CPNE5: variants seen among roughly 807,000 people sequenced by gnomAD.
The protein encoded by CPNE5 is copine-5.
A neutral mutation model predicts 81.1 loss-of-function variants in CPNE5; 42 were observed. That is an observed-to-expected ratio of 0.52 (90% CI 0.40 to 0.67). The LOEUF is 0.67. CPNE5 is among the 30% of genes least tolerant of loss of function. The pLI is 0.00. For missense variants in CPNE5, 612 were observed against 815.5 expected (o/e 0.75, Z 3.04); for synonymous variants, 313 against 321.5 (o/e 0.97, Z 0.28).
Position 36,788,700 on chromosome 6 carries a change from A to G in CPNE5, c.528+3333T>C, listed in dbSNP as rs188958849. On this transcript the variant is annotated intron_variant, in intron 8 of 20. Transcript: ENST00000244751. ...TCGTTTTACTGCTGAGCAGAATTGA[A>G]CCTTGGGTGATTCAGAAGGCCCTTC... 3.2e-3 allele frequency among the ~76,000 whole-genome samples: 379 copies of G among 120,220 alleles called. 3 individuals carry two copies. The highest frequency in any genetic ancestry group is 0.012 in the African/African-American group (353 of 28,502). 78.9% of individuals were successfully genotyped at this position (120,220 alleles called of 152,430 possible).
chr6:36,749,782 T>C (rs1764603348), intron 14 of CPNE5, among the ~76,000 whole-genome samples: 1 of 152,162 alleles, frequency 6.6e-6, no homozygotes, highest in South Asian at 2.1e-4. Context: ...GGTACTTGCA[T>C]GTTGATTATA....
chr6:36,818,487 A>G (rs1340473732), intron 3 of CPNE5, among the ~76,000 whole-genome samples: 1 of 152,214 alleles, frequency 6.6e-6, no homozygotes, highest in Non-Finnish European at 1.5e-5. Context: ...TGAGATGGGA[A>G]GAGTGACCAG....
chr6:36,816,075 G>T (rs1284702385), intron 3 of CPNE5, among the ~76,000 whole-genome samples: 1 of 152,216 alleles, frequency 6.6e-6, no homozygotes, highest in East Asian at 1.9e-4. Flanking sequence ...GCCTTAGTTA[G>T]TCTACCCACG....
At chr6:36,839,681 G>A (rs1773851769), upstream of CPNE5, 1 of 355,954 alleles carries the variant, frequency 2.8e-6, no homozygotes, top group Non-Finnish European at 5.1e-6. The surrounding 1 kb of genome is among the most constrained non-coding windows in gnomAD (Gnocchi z 7.3). Context: ...CGCGGGGAGA[G>A]GGGCTCGGGG....
chr6:36,798,157 A>C lies in CPNE5; in HGVS notation c.404+8T>G. 6.2e-7 allele frequency: 1 copy of C among 1,612,308 alleles called. No individual in the cohort carries two copies. Among genetic ancestry groups the C allele is most frequent in the African/African-American group, 1.3e-5 (1 of 74,992 alleles). ...GCCTACCACTGGGAAAGCAACCCAG[A>C]CACTCACGTGAGGGGCTTTTCCAGG... On this transcript the variant is annotated splice_region_variant and intron_variant, in intron 6 of 20. Coordinates refer to ENST00000244751, the MANE Select transcript of CPNE5 (RefSeq NM_020939.2).
At chr6:36,789,625 G>A (rs1290908838) in intron 8 of CPNE5, among the ~76,000 whole-genome samples, 2 of 152,158 alleles carry the variant, frequency 1.3e-5, no homozygotes, top group Non-Finnish European at 2.9e-5. Context: ...GGAAAACGGA[G>A]GCTCTGGGAG....
At chr6:36,815,015 G>A (rs1004015676) in intron 3 of CPNE5, among the ~76,000 whole-genome samples, 37 of 152,022 alleles carry the variant, frequency 2.4e-4, no homozygotes, top group African/African-American at 7.7e-4. Flanking sequence ...AAAATTAGTC[G>A]GGCGTGGTGG....
chr6:36,759,112 G>C (rs530955772), intron 12 of CPNE5, among the ~76,000 whole-genome samples: 1 of 152,356 alleles, frequency 6.6e-6, no homozygotes, highest in East Asian at 1.9e-4. Context: ...CAGCTGGGGA[G>C]AATGAACCCG....
At chr6:36,747,823 C>A (rs891936208) in intron 15 of CPNE5, among the ~76,000 whole-genome samples, 2 of 152,222 alleles carry the variant, frequency 1.3e-5, no homozygotes, top group Admixed American at 6.5e-5. Context: ...TGGGCTGGAT[C>A]CTGCCTCCCT....
chr6:36,770,994 C>A (rs1224387737), intron 10 of CPNE5, among the ~76,000 whole-genome samples: 1 of 152,084 alleles, frequency 6.6e-6, no homozygotes, highest in South Asian at 2.1e-4. Context: ...AAACGCTGAA[C>A]CATTATCCCT....
At chr6:36,799,328 TC>T (rs1769891232) in intron 4 of CPNE5, among the ~76,000 whole-genome samples, 1 of 152,182 alleles carries the variant, frequency 6.6e-6, no homozygotes, top group Non-Finnish European at 1.5e-5. Context: ...CTGCATTCTT[TC>T]CTTTTCTCCC....
chr6:36,746,524 C>G lies in CPNE5; in HGVS notation c.1072G>C (p.Ala358Pro), dbSNP rs772349378. Residue 358 changes from alanine (A) to proline (P), a missense_variant, in exon 16 of 21, where the codon GCC becomes CCC. Transcript: ENST00000244751. The surrounding 1 kb of genome is among the most constrained non-coding windows in gnomAD (Gnocchi z 4.5). ...ACGGCAGTCAGCGCCAGCGCGTAGG[C>G]GTTCAGCTGGTAGGGGCTCATGTAG... ...LHYMSPYQLN[A>P]YALALTAVGE... 1 of 1,613,692 alleles carries G rather than the reference C, an allele frequency of 6.2e-7. No homozygotes were observed. Among genetic ancestry groups the G allele is most frequent in the Non-Finnish European group, 8.5e-7 (1 of 1,179,746 alleles).
chr6:36,756,060 A>C, intron 13 of CPNE5, 185 bp downstream of exon 13: 1 of 592,064 alleles, frequency 1.7e-6, no homozygotes, highest in East Asian at 3.0e-5. Context: ...GTGGTCTGCA[A>C]GTCAACTCTC....
intron 10 of CPNE5, among the ~76,000 whole-genome samples, chr6:36,772,613 C>T (rs900157091): frequency 3.9e-5 from 6 of 152,348 alleles, no homozygotes; most frequent in Non-Finnish European, 7.3e-5. Flanking sequence ...CACGCTGGGA[C>T]ACAGGAGGCA....
Position 36,745,087 on chromosome 6 carries a change from G to T in CPNE5, c.1392C>A (p.Val464=). Residue 464 remains valine (V), a synonymous_variant, in exon 18 of 21, where the codon GTC becomes GTA. Coordinates refer to ENST00000244751, the MANE Select transcript of CPNE5 (RefSeq NM_020939.2). The stretch of plus-strand genomic sequence containing the variant: ...CCTTGGTCTGCGCCATGTCCGAGAT[G>T]ACCCCATCAGTAATGATGAGCAGCA... ...YSVLLIITDG[V]ISDMAQTKEA... 4.3e-6 allele frequency: 7 copies of T among 1,614,090 alleles called. No individual in the cohort carries two copies. The highest frequency in any genetic ancestry group is 5.9e-6 in the Non-Finnish European group (7 of 1,179,918).
intron 1 of CPNE5, among the ~76,000 whole-genome samples, chr6:36,830,176 C>T (rs1772865768): frequency 6.6e-6 from 1 of 152,198 alleles, no homozygotes; most frequent in South Asian, 2.1e-4. Context: ...GAACTCTGAA[C>T]TCTGAAGCTC....
At chr6:36,743,905 C>T (rs1423073980) in intron 19 of CPNE5, 143 bp from the exon 20 acceptor site, 2 of 747,914 alleles carry the variant, frequency 2.7e-6, no homozygotes, top group Admixed American at 4.7e-5. Context: ...GATGAGGAAA[C>T]TGAGGCCAGG....
intron 10 of CPNE5, among the ~76,000 whole-genome samples, chr6:36,774,615 G>C (rs1767334239): frequency 6.6e-6 from 1 of 152,232 alleles, no homozygotes; most frequent in African/African-American, 2.4e-5. Context: ...GGGCACCCGG[G>C]ACACCCATCT....
chr6:36,823,149 G>C, intron 1 of CPNE5, 51 bp from the exon 2 acceptor site: 1 of 1,440,960 alleles, frequency 6.9e-7, no homozygotes, highest in Non-Finnish European at 9.3e-7. Context: ...GAGAGGAGGC[G>C]ACCTCAGGGG....
Sources: gnomAD v4.1 joint callset for allele counts (sites outside exome capture counted in the v4.1 genomes callset) on GRCh38, gnomAD v4.1.1 for gene constraint, Gnocchi (gnomAD v3.1) non-coding constraint, MANE v1.5 for transcripts, NCBI Gene and HGNC (gene_info 2026-07-23, HGNC 2026-07-21) for gene names.